RANBP3: variants seen among roughly 807,000 people sequenced by gnomAD.
The protein encoded by RANBP3 is ran-binding protein 3.
RANBP3 carries 14 observed loss-of-function variants against 77.3 expected under a neutral mutation model. That is an observed-to-expected ratio of 0.18 (90% CI 0.12 to 0.28). RANBP3 has a LOEUF of 0.28. RANBP3 is among the 10% of genes least tolerant of loss of function. The pLI, the probability that RANBP3 is intolerant of heterozygous loss-of-function variation, is 1.00. For missense variants in RANBP3, 586 were observed against 752.3 expected (o/e 0.78, Z 2.59); for synonymous variants, 315 against 312.4 (o/e 1.01, Z -0.09).
At position 5,937,297 on chromosome 19, in the gene RANBP3, G is replaced by A. The variant is rs956079484; in HGVS notation, c.407-3818C>T. ...TGATCGAGGAGCACGGCCACCCCGT[G>A]CTGGTAAGGGGACAAGTGAGTACTG... On this transcript the variant is annotated intron_variant, in intron 5 of 16. Transcript: ENST00000340578. 7.2e-5 allele frequency among the ~76,000 whole-genome samples: 11 copies of A among 152,046 alleles called. No homozygotes were observed. The South Asian group carries it at 1.5e-3, about 20-fold the overall frequency.
intron 2 of RANBP3, 47 bp from the exon 3 acceptor site, chr19:5,951,643 A>G: frequency 2.6e-6 from 4 of 1,545,374 alleles, no homozygotes; most frequent in Non-Finnish European, 3.5e-6. Flanking sequence ...TAAAGGCTGC[A>G]TCACACAGCA....
At chr19:5,968,211 A>G (rs1405243727) in intron 1 of RANBP3, among the ~76,000 whole-genome samples, 3 of 152,180 alleles carry the variant, frequency 2.0e-5, no homozygotes. Flanking sequence ...GGAAGCTTAC[A>G]GGAAGGAAAT....
chr19:5,970,075 G>C (rs2058513065), intron 1 of RANBP3, among the ~76,000 whole-genome samples: 1 of 152,120 alleles, frequency 6.6e-6, no homozygotes, highest in East Asian at 1.9e-4. Context: ...TGTTTGTGGG[G>C]GTGTGGAGGA....
chr19:5,926,057 A>T (rs760075299), intron 9 of RANBP3, among the ~76,000 whole-genome samples: 42 of 152,300 alleles, frequency 2.8e-4, no homozygotes, highest in Middle Eastern at 3.4e-3. Context: ...CCAATAACAC[A>T]ACGTTACAAA....
Position 5,921,354 on chromosome 19 carries a change from C to T in RANBP3, c.1210-33G>A, listed in dbSNP as rs755906579. ...ACAGTGGCCGCCGGTAAGCAGGGACCCCAGCTGGTGTCCTGCTGCAGCCAC... is the reference window on the plus strand; with the variant it reads ...ACAGTGGCCGCCGGTAAGCAGGGACTCCAGCTGGTGTCCTGCTGCAGCCAC... On this transcript the variant is annotated intron_variant, in intron 13 of 16. Transcript: ENST00000340578. The surrounding 1 kb of genome is among the most constrained non-coding windows in gnomAD (Gnocchi z 5.3). 1.2e-6 allele frequency: 2 copies of T among 1,610,478 alleles called. No individual in the cohort carries two copies. Among genetic ancestry groups the T allele is most frequent in the East Asian group, 2.2e-5 (1 of 44,766 alleles).
chr19:5,924,477 C>G lies in RANBP3; in HGVS notation c.996+350G>C, dbSNP rs910787955. Among the ~76,000 whole-genome samples, 1 of 152,252 alleles carries G rather than the reference C, an allele frequency of 6.6e-6. No homozygotes were observed. Among genetic ancestry groups the G allele is most frequent in the East Asian group, 1.9e-4 (1 of 5,192 alleles). On this transcript the variant is annotated intron_variant, in intron 11 of 16. Coordinates refer to ENST00000340578, the MANE Select transcript of RANBP3 (RefSeq NM_007322.3). This position sits in a 1 kb window ranked among gnomAD's most constrained non-coding sequence, Gnocchi z 4.7. The stretch of plus-strand genomic sequence containing the variant: ...AGGCCAGCAACCCTGTCCACCAGCA[C>G]GGCTGGCTCCGTCCCACAGGACTTT...
chr19:5,923,537 C>T (rs1378877194), intron 12 of RANBP3, among the ~76,000 whole-genome samples: 1 of 152,166 alleles, frequency 6.6e-6, no homozygotes, highest in Non-Finnish European at 1.5e-5. Flanking sequence ...CGTGTTCGTG[C>T]CGAGCAGTCG....
Position 5,941,653 on chromosome 19 carries a change from G to A in RANBP3, c.374C>T (p.Ser125Phe). The change falls in exon 5 of 17, where the codon TCC becomes TTC. Residue 125 changes from serine (S) to phenylalanine (F), a missense_variant. Around this residue, in one of 5 missense-constraint regions of RANBP3, gnomAD observed 172 missense variants for 183.4 expected, o/e 0.94. Transcript: ENST00000340578. ...YCPPVKRERTSSLTQFPPSQS... is the reference protein window; with the variant it reads ...YCPPVKRERTFSLTQFPPSQS... Reference sequence around the variant, plus strand: ...TGAGGGTGGGAACTGGGTTAAAGAGGATGTTCTTTCTCGCTTGACAGGAGG... The same window carrying A: ...TGAGGGTGGGAACTGGGTTAAAGAGAATGTTCTTTCTCGCTTGACAGGAGG... 1 of 1,613,814 alleles carries A rather than the reference G, an allele frequency of 6.2e-7. No individual in the cohort carries two copies. The highest frequency in any genetic ancestry group is 8.5e-7 in the Non-Finnish European group (1 of 1,179,862).
intron 1 of RANBP3, among the ~76,000 whole-genome samples, chr19:5,965,132 G>A (rs1208567404): frequency 2.0e-5 from 3 of 152,006 alleles, no homozygotes; most frequent in Non-Finnish European, 4.4e-5. Context: ...GGTCTCTGAG[G>A]AGGTGGGGGG....
chr19:5,975,148 A>C (rs2058575286), intron 1 of RANBP3, among the ~76,000 whole-genome samples: 1 of 152,246 alleles, frequency 6.6e-6, no homozygotes, highest in African/African-American at 2.4e-5. Context: ...CAGGCTGTAC[A>C]AGCCAAAACC....
chr19:5,938,519 C>T (rs1034241090), intron 5 of RANBP3, among the ~76,000 whole-genome samples: 2 of 150,724 alleles, frequency 1.3e-5, no homozygotes, highest in African/African-American at 4.9e-5. Flanking sequence ...GTGAAACCCT[C>T]GTCTCTACTA....
intron 3 of RANBP3, among the ~76,000 whole-genome samples, chr19:5,947,670 C>G (rs575029189): frequency 1.3e-5 from 2 of 152,352 alleles, no homozygotes; most frequent in Admixed American, 6.5e-5. Flanking sequence ...GATGAAGCAG[C>G]CCTCCCGCGG....
chr19:5,929,948 G>C lies in RANBP3; in HGVS notation c.693+1456C>G, dbSNP rs368420926. On this transcript the variant is annotated intron_variant, in intron 8 of 16. Coordinates refer to ENST00000340578, the MANE Select transcript of RANBP3 (RefSeq NM_007322.3). Reference sequence around the variant, plus strand: ...ACAACTTCTGAGCTCAACCATTTGGGAACAAGCTGTGTGCACTGCTGAGAA... The same window carrying C: ...ACAACTTCTGAGCTCAACCATTTGGCAACAAGCTGTGTGCACTGCTGAGAA... Among the ~76,000 whole-genome samples, 53 of 152,330 alleles carry C rather than the reference G, an allele frequency of 3.5e-4. No homozygotes were observed. The South Asian group carries it at 5.6e-3, about 16-fold the overall frequency.
intron 1 of RANBP3, among the ~76,000 whole-genome samples, chr19:5,964,227 A>T (rs754700355): frequency 3.3e-5 from 5 of 152,148 alleles, no homozygotes; most frequent in Non-Finnish European, 7.3e-5. Context: ...GAAGCAAGCC[A>T]GCCCCAGCAC....
chr19:5,946,210 G>A (rs573802511), intron 3 of RANBP3, among the ~76,000 whole-genome samples: 2 of 152,302 alleles, frequency 1.3e-5, no homozygotes, highest in South Asian at 4.1e-4. Flanking sequence ...CTATCACATA[G>A]GGAAATGATC....
At chr19:5,947,859 GA>G (rs1244529102) in intron 3 of RANBP3, among the ~76,000 whole-genome samples, 33 of 152,316 alleles carry the variant, frequency 2.2e-4, no homozygotes, top group African/African-American at 4.6e-4. Context: ...ATACAAGACA[GA>G]GGGGCACATC....
rs916995115 is a variant in RANBP3, at chr19:5,958,408, C to A, written c.23-435G>T. Among the ~76,000 whole-genome samples, 1 of 152,256 alleles carries A rather than the reference C, an allele frequency of 6.6e-6. No homozygotes were observed. The highest frequency in any genetic ancestry group is 2.4e-5 in the African/African-American group (1 of 41,468). Reference sequence around the variant, plus strand: ...GGGCAAAAAAAAGGGCCACCGCTCGCGCTGTTTGCAGACAGTTCTGGTAGA... The same window carrying A: ...GGGCAAAAAAAAGGGCCACCGCTCGAGCTGTTTGCAGACAGTTCTGGTAGA... On this transcript the variant is annotated intron_variant, in intron 1 of 16. Transcript: ENST00000340578. The surrounding 1 kb of genome is among the most constrained non-coding windows in gnomAD (Gnocchi z 4.4).
chr19:5,949,935 G>A (rs1171420562), intron 3 of RANBP3, among the ~76,000 whole-genome samples: 1 of 152,190 alleles, frequency 6.6e-6, no homozygotes. Context: ...TCTAGAACCT[G>A]TCACCTCTGC....
At chr19:5,938,761 T>C (rs544251001) in intron 5 of RANBP3, among the ~76,000 whole-genome samples, 25 of 152,288 alleles carry the variant, frequency 1.6e-4, no homozygotes, top group African/African-American at 6.0e-4. Context: ...GCAAAATTAA[T>C]GTGAGAATGC....
Sources: allele counts gnomAD v4.1 joint callset (sites outside exome capture counted in the v4.1 genomes callset), GRCh38; gene constraint gnomAD v4.1.1; regional missense constraint gnomAD v4.1.1; non-coding constraint Gnocchi (gnomAD v3.1); transcripts MANE v1.5; gene names NCBI Gene and HGNC (gene_info 2026-07-23, HGNC 2026-07-21).